The following AGBL4 variants were observed in gnomAD, a reference collection of about 807,000 sequenced individuals.
AGBL4 encodes the protein cytosolic carboxypeptidase 6.
A neutral mutation model predicts 66.4 loss-of-function variants in AGBL4; 58 were observed. The ratio of observed to expected loss-of-function variants is 0.87; its 90% CI spans 0.71 to 1.09. The LOEUF (loss-of-function observed/expected upper bound fraction) is 1.09, where lower values mean the gene tolerates loss of function less well. AGBL4 is among the 50% of genes least tolerant of loss of function. AGBL4 has a pLI of 0.00. For missense variants in AGBL4, 579 were observed against 631.0 expected (o/e 0.92, Z 0.88); for synonymous variants, 234 against 222.9 (o/e 1.05, Z -0.44).
chr1:49,827,761 T>C (rs572115713), intron 2 of AGBL4, among the ~76,000 whole-genome samples: 96 of 152,284 alleles, frequency 6.3e-4, no homozygotes, highest in African/African-American at 2.3e-3. Context: ...TGTGGCAAAT[T>C]GCACCTGGCA....
At chr1:49,940,998 C>T (rs746489357) in intron 1 of AGBL4, among the ~76,000 whole-genome samples, 1 of 151,898 alleles carries the variant, frequency 6.6e-6, no homozygotes, top group African/African-American at 2.4e-5. Flanking sequence ...ACAACTGACA[C>T]CACAGAAATA....
intron 6 of AGBL4, among the ~76,000 whole-genome samples, chr1:48,799,638 T>C (rs1558003367): frequency 6.6e-6 from 1 of 152,214 alleles, no homozygotes; most frequent in Non-Finnish European, 1.5e-5. Context: ...GGGTTTGTCA[T>C]AGATAGCTTT....
intron 4 of AGBL4, among the ~76,000 whole-genome samples, chr1:49,181,499 C>A (rs377238148): frequency 6.6e-6 from 1 of 152,272 alleles, no homozygotes; most frequent in East Asian, 1.9e-4. Context: ...GGGACTTGGG[C>A]AAAATCCCAA....
At chr1:48,586,096 A>C (rs576237925) in intron 11 of AGBL4, 2 of 152,212 alleles carry the variant, frequency 1.3e-5, no homozygotes, top group Non-Finnish European at 2.9e-5. Flanking sequence ...GGATCAAGGA[A>C]AGCAGAATCT....
intron 8 of AGBL4, among the ~76,000 whole-genome samples, chr1:48,642,237 G>A (rs1174136244): frequency 6.6e-6 from 1 of 152,152 alleles, no homozygotes; most frequent in Non-Finnish European, 1.5e-5. Flanking sequence ...TTCTTCCAAG[G>A]TTCATTCAGC....
chr1:48,735,151 C>T (rs1333249793), intron 6 of AGBL4, among the ~76,000 whole-genome samples: 3 of 152,194 alleles, frequency 2.0e-5, no homozygotes, highest in African/African-American at 7.2e-5. Flanking sequence ...TTAACAAAAA[C>T]CCCTAAATCC....
intron 3 of AGBL4, among the ~76,000 whole-genome samples, chr1:49,442,068 T>C (rs1051682914): frequency 6.6e-6 from 1 of 152,194 alleles, no homozygotes; most frequent in Non-Finnish European, 1.5e-5. Context: ...AGATTTACTA[T>C]AATGGATCCA....
chr1:48,689,219 A>AAAAAAAAGAAAAGAAAAG, intron 6 of AGBL4, among the ~76,000 whole-genome samples: 1 of 141,584 alleles, frequency 7.1e-6, no homozygotes, highest in African/African-American at 3.1e-5. Context: ...AAAAAAAAAA[A>AAAAAAAAGAAAAGAAAAG]AAAAGAAAAG....
At chr1:48,741,329 A>G (rs1314760446) in intron 6 of AGBL4, among the ~76,000 whole-genome samples, 1 of 152,244 alleles carries the variant, frequency 6.6e-6, no homozygotes, top group East Asian at 1.9e-4. Flanking sequence ...GGATGCCGAG[A>G]CCCAGAGAAG....
At chr1:49,339,508 A>T (rs1454184091) in intron 3 of AGBL4, among the ~76,000 whole-genome samples, 1 of 152,158 alleles carries the variant, frequency 6.6e-6, no homozygotes, top group East Asian at 1.9e-4. Flanking sequence ...GATCACAAGC[A>T]CCCAGTTCTG....
intron 4 of AGBL4, among the ~76,000 whole-genome samples, chr1:49,212,905 T>A (rs372994819): frequency 6.6e-6 from 1 of 152,180 alleles, no homozygotes; most frequent in Non-Finnish European, 1.5e-5. Flanking sequence ...TGTTAAATAA[T>A]AGGACTCCAT....
intron 2 of AGBL4, among the ~76,000 whole-genome samples, chr1:49,820,811 G>A (rs531851851): frequency 6.6e-6 from 1 of 152,092 alleles, no homozygotes; most frequent in African/African-American, 2.4e-5. Context: ...CAGGTTTTGA[G>A]GTCCGGTAGG....
chr1:49,958,997 A>G (rs995277399), intron 1 of AGBL4, among the ~76,000 whole-genome samples: 10 of 151,552 alleles, frequency 6.6e-5, no homozygotes. Flanking sequence ...ACAGTCAAAC[A>G]TCAAAAGCAG....
At chr1:49,461,504 T>C (rs1237580466) in intron 3 of AGBL4, among the ~76,000 whole-genome samples, 1 of 151,390 alleles carries the variant, frequency 6.6e-6, no homozygotes, top group East Asian at 2.0e-4. Flanking sequence ...TTCTTTTTTT[T>C]TTATTATACT....
chr1:49,726,317 T>C (rs1649029162), intron 2 of AGBL4, among the ~76,000 whole-genome samples: 1 of 152,010 alleles, frequency 6.6e-6, no homozygotes, highest in African/African-American at 2.4e-5. Flanking sequence ...TGGTGAGAAA[T>C]GATAAAGGAG....
At chr1:48,583,140 C>T (rs1054515757) in intron 11 of AGBL4, among the ~76,000 whole-genome samples, 3 of 152,184 alleles carry the variant, frequency 2.0e-5, no homozygotes, top group South Asian at 2.1e-4. Flanking sequence ...CACTGTTCTG[C>T]GGTCAAGGCA....
At chr1:48,878,559 T>C (rs1474459330) in intron 5 of AGBL4, among the ~76,000 whole-genome samples, 2 of 152,206 alleles carry the variant, frequency 1.3e-5, no homozygotes, top group African/African-American at 4.8e-5. Context: ...TGTCTTTCTT[T>C]ATATATGACT....
At chr1:48,859,544 T>G (rs1208734442) in intron 6 of AGBL4, among the ~76,000 whole-genome samples, 1 of 152,180 alleles carries the variant, frequency 6.6e-6, no homozygotes, top group African/African-American at 2.4e-5. Flanking sequence ...ACTAAAGTCT[T>G]TGTGTAAAGG....
chr1:49,107,587 G>C (rs1473636540), intron 4 of AGBL4, among the ~76,000 whole-genome samples: 1 of 151,752 alleles, frequency 6.6e-6, no homozygotes, highest in East Asian at 1.9e-4. Context: ...AAATCTTCAG[G>C]AAAGTCTGTT....
Sources: gnomAD v4.1 joint callset for allele counts (sites outside exome capture counted in the v4.1 genomes callset) on GRCh38, gnomAD v4.1.1 for gene constraint, MANE v1.5 for transcripts, NCBI Gene and HGNC (gene_info 2026-07-23, HGNC 2026-07-21) for gene names.